The following MAGI2 variants were observed in gnomAD, a reference collection of about 807,000 sequenced individuals.
MAGI2 encodes the protein membrane associated guanylate kinase, WW and PDZ domain containing 2, also known as membrane-associated guanylate kinase, WW and PDZ domain-containing protein 2.
Under a neutral mutation model 133.3 loss-of-function variants are expected in MAGI2, and 35 were observed. That is an observed-to-expected ratio of 0.26 (90% CI 0.20 to 0.35). The LOEUF is 0.35. Among genes scored for constraint, MAGI2 ranks in the 10% least tolerant of loss-of-function variants. MAGI2 has a pLI of 1.00. For synonymous variants in MAGI2, 729 were observed against 710.6 expected, an observed-to-expected ratio of 1.03 and a Z score of -0.41; for missense variants, 1,636 against 1,863.4, an observed-to-expected ratio of 0.88 and a Z score of 2.25.
intron 1 of MAGI2, among the ~76,000 whole-genome samples, chr7:79,436,883 G>T (rs534247366): frequency 5.3e-5 from 8 of 152,156 alleles, no homozygotes; most frequent in African/African-American, 1.4e-4. Context: ...CTATCAAAAA[G>T]ATACCTGAAT....
At chr7:78,423,554 C>G (rs748591734) in intron 6 of MAGI2, among the ~76,000 whole-genome samples, 64 of 152,096 alleles carry the variant, frequency 4.2e-4, no homozygotes, top group Admixed American at 3.9e-4. Flanking sequence ...GAGGTTGGAA[C>G]AGTTTGGAGG....
At chr7:78,192,523 CT>C (rs35559367) in intron 12 of MAGI2, among the ~76,000 whole-genome samples, 204 of 139,874 alleles carry the variant, frequency 1.5e-3, no homozygotes, top group Middle Eastern at 3.6e-3. Flanking sequence ...AAAAGGCTGT[CT>C]TTTTTTTTTT....
At chr7:78,689,681 G>GAT (rs1465909467) in intron 2 of MAGI2, among the ~76,000 whole-genome samples, 1 of 70,518 alleles carries the variant, frequency 1.4e-5, no homozygotes, top group African/African-American at 5.0e-5. Flanking sequence ...TTTGGATCTG[G>GAT]CTTTTTTTTT....
intron 12 of MAGI2, among the ~76,000 whole-genome samples, chr7:78,187,382 G>T (rs1462168747): frequency 6.6e-6 from 1 of 152,068 alleles, no homozygotes; most frequent in Non-Finnish European, 1.5e-5. Flanking sequence ...GCAACTTACA[G>T]TTTTGAAAGG....
intron 2 of MAGI2, among the ~76,000 whole-genome samples, chr7:78,979,567 T>A (rs1183515543): frequency 6.6e-6 from 1 of 151,796 alleles, no homozygotes; most frequent in Non-Finnish European, 1.5e-5. Flanking sequence ...ACTATTCCCA[T>A]GGGAAGTAGA....
intron 2 of MAGI2, among the ~76,000 whole-genome samples, chr7:78,664,353 A>G (rs188586102): frequency 6.6e-6 from 1 of 152,102 alleles, no homozygotes; most frequent in African/African-American, 2.4e-5. Context: ...TTGGCTATAT[A>G]TTTTACGGAA....
intron 6 of MAGI2, among the ~76,000 whole-genome samples, chr7:78,440,282 ATTT>A (rs1787483186): frequency 1.3e-5 from 2 of 152,100 alleles, no homozygotes; most frequent in African/African-American, 4.8e-5. Context: ...CATTTTCCAC[ATTT>A]TACAAACAAG....
intron 16 of MAGI2, among the ~76,000 whole-genome samples, chr7:78,154,163 C>T (rs1285211555): frequency 1.3e-5 from 2 of 152,204 alleles, no homozygotes; most frequent in Non-Finnish European, 2.9e-5. Context: ...TTTAAAATCT[C>T]TAGGATAAGT....
At chr7:78,250,813 G>A (rs1308975441) in intron 10 of MAGI2, among the ~76,000 whole-genome samples, 2 of 152,026 alleles carry the variant, frequency 1.3e-5, no homozygotes, top group Non-Finnish European at 2.9e-5. Flanking sequence ...AGACTTTTAA[G>A]GAAGAAATAA....
chr7:78,377,929 AAAAC>A (rs1794599058), intron 6 of MAGI2, among the ~76,000 whole-genome samples: 1 of 151,948 alleles, frequency 6.6e-6, no homozygotes, highest in African/African-American at 2.4e-5. Context: ...CTCTCAAGAG[AAAAC>A]AAAAACAAAA....
intron 2 of MAGI2, among the ~76,000 whole-genome samples, chr7:78,976,635 T>C (rs1053280094): frequency 1.3e-5 from 2 of 150,852 alleles, no homozygotes; most frequent in African/African-American, 4.9e-5. Context: ...AAAAGCCATA[T>C]AGATTGGAAA....
intron 2 of MAGI2, among the ~76,000 whole-genome samples, chr7:78,912,743 TCATTC>T (rs1584370344): frequency 1.4e-5 from 2 of 146,712 alleles, no homozygotes; most frequent in South Asian, 2.1e-4. Flanking sequence ...CATATATATA[TCATTC>T]ATATATATAT....
chr7:78,468,217 A>G (rs1790835861), intron 6 of MAGI2, among the ~76,000 whole-genome samples: 1 of 152,166 alleles, frequency 6.6e-6, no homozygotes, highest in Non-Finnish European at 1.5e-5. Context: ...AAGTAAGATA[A>G]TATATGGAAA....
At chr7:78,469,033 A>G (rs902627533) in intron 6 of MAGI2, among the ~76,000 whole-genome samples, 12 of 152,184 alleles carry the variant, frequency 7.9e-5, no homozygotes, top group African/African-American at 2.9e-4. Context: ...TAAACAATAA[A>G]CCAGTGACCA....
At chr7:78,804,830 A>G (rs1299769535) in intron 2 of MAGI2, among the ~76,000 whole-genome samples, 3 of 149,856 alleles carry the variant, frequency 2.0e-5, no homozygotes, top group Admixed American at 2.0e-4. Context: ...CACTTTGGGA[A>G]GCCGAGGCGG....
At position 78,208,997 on chromosome 7, in the gene MAGI2, T is replaced by C. The variant is rs908428417; in HGVS notation, c.2048-7804A>G. Among the ~76,000 whole-genome samples the C allele has an allele frequency of 2.5e-4, 37 of 149,850 alleles. 1 individual carries two copies. The highest frequency in any genetic ancestry group is 8.6e-4 in the South Asian group (4 of 4,672). ...CAGCACTTTGGGAGGCCGAGGCAGG[T>C]GGATCACGAGGTCAGGAGATCGAGA... On this transcript the variant is annotated intron_variant, in intron 10 of 21. Transcript: ENST00000354212.
intron 9 of MAGI2, among the ~76,000 whole-genome samples, chr7:78,329,598 C>T (rs1390458441): frequency 6.6e-6 from 1 of 152,196 alleles, no homozygotes; most frequent in Non-Finnish European, 1.5e-5. Flanking sequence ...TTAGCAGAAA[C>T]ATTTACTTTT....
At chr7:78,505,288 A>T (rs1039597532) in intron 4 of MAGI2, among the ~76,000 whole-genome samples, 10 of 152,206 alleles carry the variant, frequency 6.6e-5, no homozygotes, top group African/African-American at 2.4e-4. Flanking sequence ...ATAGAAATAA[A>T]GTATCTATTA....
At chr7:78,388,103 G>T (rs147794650) in intron 6 of MAGI2, among the ~76,000 whole-genome samples, 1 of 152,098 alleles carries the variant, frequency 6.6e-6, no homozygotes, top group Admixed American at 6.5e-5. Context: ...ACTGGCTTTG[G>T]GGTCACACAA....
Sources: allele counts gnomAD v4.1 joint callset (sites outside exome capture counted in the v4.1 genomes callset), GRCh38; gene constraint gnomAD v4.1.1; transcripts MANE v1.5; gene names NCBI Gene and HGNC (gene_info 2026-07-23, HGNC 2026-07-21).